Variants in DSC1 observed in about 807,000 individuals in gnomAD.
DSC1 encodes the protein desmocollin 1, also known as desmocollin-1.
A neutral mutation model predicts 98.8 loss-of-function variants in DSC1; 79 were observed. The observed-to-expected ratio is 0.80, with a 90% CI of 0.67 to 0.96. The LOEUF is 0.96. Among genes scored for constraint, DSC1 ranks in the 50% least tolerant of loss-of-function variants. The pLI is 0.00. For missense variants in DSC1, 1,115 were observed against 1,075.9 expected, an observed-to-expected ratio of 1.04 and a Z score of -0.51; for synonymous variants, 405 against 372.1, an observed-to-expected ratio of 1.09 and a Z score of -1.02.
rs765202886 is a variant in DSC1 at position 31,131,618 on chromosome 18, A to G, written c.2463T>C (p.Ser821=). The change falls in exon 15 of 16, where the codon AGT becomes AGC. Residue 821 remains serine (S), a synonymous_variant. Coordinates refer to ENST00000257198, the MANE Select transcript of DSC1 (RefSeq NM_024421.2). Reference sequence around the variant, plus strand: ...CTTCGCCAAGCCGAGGTTGGGTGAAACTCTGCCAGTCCGTGTACGCATATC... The same window carrying G: ...CTTCGCCAAGCCGAGGTTGGGTGAAGCTCTGCCAGTCCGTGTACGCATATC... ...TGRYAYTDWQ[S]FTQPRLGEKV... 1 of 1,613,878 alleles carries G rather than the reference A, an allele frequency of 6.2e-7. No individual in the cohort carries two copies. Among genetic ancestry groups the G allele is most frequent in the Non-Finnish European group, 8.5e-7 (1 of 1,179,904 alleles).
At chr18:31,150,841 C>T (rs1411920633) in intron 5 of DSC1, 3 of 152,132 alleles carry the variant, frequency 2.0e-5, no homozygotes, top group East Asian at 1.9e-4. Context: ...CTTACTGATA[C>T]GTGTATCCTA....
intron 11 of DSC1, among the ~76,000 whole-genome samples, chr18:31,135,924 T>A (rs1277401226): frequency 6.6e-6 from 1 of 152,188 alleles, no homozygotes; most frequent in Non-Finnish European, 1.5e-5. Flanking sequence ...CATGCAAATA[T>A]AATTTATTTT....
In DSC1 at chr18:31,140,318, C is replaced by T. The variant is rs1988707601; in HGVS notation, c.1261-17G>A. On this transcript the variant is annotated splice_polypyrimidine_tract_variant and intron_variant, in intron 9 of 15. Transcript: ENST00000257198. ...GTTCAATGGCTGTTAAATAAGCATA[C>T]TTTAATAAGTCAATATATAACATTA... is the stretch of plus-strand genomic sequence containing the variant. The T allele has an allele frequency of 1.9e-6, 3 of 1,611,704 alleles. No individual in the cohort carries two copies. The highest frequency in any genetic ancestry group is 2.5e-6 in the Non-Finnish European group (3 of 1,178,446).
In DSC1 at chr18:31,132,402, A is replaced by G. The variant is rs971413621; in HGVS notation, c.2238+166T>C. On this transcript the variant is annotated intron_variant, in intron 14 of 15. Transcript: ENST00000257198. The stretch of plus-strand genomic sequence containing the variant: ...TTTGTTGTGACAGCCCTAGCCCTGT[A>G]GAATTGGGAGGTTTAAATGATTTAA... 5 of 873,734 alleles carry G rather than the reference A, an allele frequency of 5.7e-6. No homozygotes were observed. The African/African-American group carries it at 8.5e-5, about 15-fold the overall frequency. The allele number at this position is 873,734 out of a possible 1,614,324, so 54.1% of individuals were successfully genotyped here. A position where few individuals can be genotyped will look rare whatever the true frequency, so the allele number is the denominator to read the frequency against.
intron 7 of DSC1, among the ~76,000 whole-genome samples, chr18:31,144,933 TTTC>T (rs567610951): frequency 1.2e-5 from 1 of 84,632 alleles, no homozygotes; most frequent in African/African-American, 6.1e-5. Context: ...GTATTTTCTT[TTTC>T]TTTCTTTTTT....
chr18:31,139,974 A>G (rs1988696085), intron 10 of DSC1, 68 bp downstream of exon 10: 3 of 1,566,354 alleles, frequency 1.9e-6, no homozygotes, highest in Non-Finnish European at 2.6e-6. Context: ...AATACATAAA[A>G]CATTCATAAC....
intron 5 of DSC1, 41 bp from the exon 6 acceptor site, chr18:31,148,683 C>A: frequency 1.3e-6 from 2 of 1,483,314 alleles, no homozygotes; most frequent in Non-Finnish European, 1.8e-6. Flanking sequence ...TCTCAAACCA[C>A]AAATTATGCA....
In DSC1 at chr18:31,130,642, C is replaced by CA; in HGVS notation, c.2556dup (p.Glu853Ter). The CA allele has an allele frequency of 6.2e-7, 1 of 1,614,156 alleles. No individual in the cohort carries two copies. Among genetic ancestry groups the CA allele is most frequent in the Non-Finnish European group, 8.5e-7 (1 of 1,180,038 alleles). ...GAGCCGGCCAGAGAACCTTTGCCTT[C>CA]ATAGTTATACGAACAAACGTAGTCT... On this transcript the variant is annotated frameshift_variant, in exon 16 of 16. Coordinates refer to ENST00000257198, the MANE Select transcript of DSC1 (RefSeq NM_024421.2). LOFTEE classifies it high-confidence loss of function.
rs760632829 is a variant in DSC1, at chr18:31,157,590, T to C, written c.149-17A>G. The C allele has an allele frequency of 6.8e-6, 11 of 1,613,772 alleles. No homozygotes were observed. Among genetic ancestry groups the C allele is most frequent in the South Asian group, 2.2e-5 (2 of 91,070 alleles). On this transcript the variant is annotated splice_polypyrimidine_tract_variant and intron_variant, in intron 2 of 15. Transcript: ENST00000257198. ...CCAGATTCACTGCAGGGAAGAAATA[T>C]CACAGCAGTTTGTCAGATGAAACAG... is the stretch of plus-strand genomic sequence containing the variant.
chr18:31,132,821 A>C (rs567149722), intron 13 of DSC1, 132 bp from the exon 14 acceptor site: 45 of 764,296 alleles, frequency 5.9e-5, no homozygotes, highest in Middle Eastern at 8.0e-4. Context: ...CAAGATTTAA[A>C]AACAGAATAT....
chr18:31,162,509 C>T lies in DSC1; in HGVS notation c.63+23G>A, dbSNP rs758939512. 3 of 1,613,010 alleles carry T rather than the reference C, an allele frequency of 1.9e-6. No individual in the cohort carries two copies. In the Admixed American group the frequency reaches 5.0e-5, roughly 27 times the overall value. On this transcript the variant is annotated intron_variant, in intron 1 of 15. Transcript: ENST00000257198. ...GCAGGTAGTAACATGCTTGAATTCCCTAATCCTTTGGTTGTTACTCACCAG... is the reference window on the plus strand; with the variant it reads ...GCAGGTAGTAACATGCTTGAATTCCTTAATCCTTTGGTTGTTACTCACCAG...
Position 31,142,059 on chromosome 18 carries a change from A to AT in DSC1, c.1199dup (p.Asn400LysfsTer7). On this transcript the variant is annotated frameshift_variant, in exon 9 of 16. Coordinates refer to ENST00000257198, the MANE Select transcript of DSC1 (RefSeq NM_024421.2). LOFTEE classifies it high-confidence loss of function. ...GATCTGTGCTAATTATGAAGTTTCCATTTTCATTTCCTTGTAGGATTTTGT... is the reference window on the plus strand; with the variant it reads ...GATCTGTGCTAATTATGAAGTTTCCATTTTTCATTTCCTTGTAGGATTTTGT... 3 of 1,613,008 alleles carry AT rather than the reference A, an allele frequency of 1.9e-6. No individual in the cohort carries two copies. The highest frequency in any genetic ancestry group is 2.5e-6 in the Non-Finnish European group (3 of 1,179,650).
chr18:31,145,427 T>C (rs1048801051), intron 7 of DSC1, among the ~76,000 whole-genome samples, 184 bp downstream of exon 7: 1 of 152,212 alleles, frequency 6.6e-6, no homozygotes, highest in South Asian at 2.1e-4. Context: ...TGAGGCCCTG[T>C]CTAATATATG....
chr18:31,161,559 T>G (rs1989209899), intron 1 of DSC1, among the ~76,000 whole-genome samples: 1 of 152,168 alleles, frequency 6.6e-6, no homozygotes, highest in Non-Finnish European at 1.5e-5. Context: ...ACTAAGTGGC[T>G]TAGTGACACC....
intron 6 of DSC1, among the ~76,000 whole-genome samples, chr18:31,147,440 G>A (rs138715431): frequency 6.6e-6 from 1 of 152,012 alleles, no homozygotes; most frequent in South Asian, 2.1e-4. Context: ...GTATCAATTA[G>A]CTGCCTTCTA....
chr18:31,143,562 G>T (rs1988780915), intron 8 of DSC1, 95 bp downstream of exon 8: 2 of 984,166 alleles, frequency 2.0e-6, no homozygotes, highest in Non-Finnish European at 1.4e-6. Context: ...AAATCAAACT[G>T]TCAAACTTTG....
chr18:31,158,619 T>C (rs1002779583), intron 2 of DSC1, among the ~76,000 whole-genome samples: 4 of 152,300 alleles, frequency 2.6e-5, no homozygotes, highest in African/African-American at 4.8e-5. Context: ...AACCAACTTA[T>C]ACTTCAGAGA....
At chr18:31,144,987 T>C (rs1988815358) in intron 7 of DSC1, among the ~76,000 whole-genome samples, 1 of 141,020 alleles carries the variant, frequency 7.1e-6, no homozygotes, top group Non-Finnish European at 1.5e-5. Flanking sequence ...TCACCCAGGC[T>C]GGGGTGCAGT....
intron 7 of DSC1, among the ~76,000 whole-genome samples, chr18:31,144,323 A>G (rs947103964): frequency 7.9e-5 from 12 of 152,214 alleles, no homozygotes; most frequent in Admixed American, 2.6e-4. Context: ...TTAAAATTTA[A>G]AGCTGCTTTA....
Sources: gnomAD v4.1 joint callset for allele counts (sites outside exome capture counted in the v4.1 genomes callset) on GRCh38, gnomAD v4.1.1 for gene constraint, MANE v1.5 for transcripts, NCBI Gene and HGNC (gene_info 2026-07-23, HGNC 2026-07-21) for gene names.